Variants in MINDY3 observed in about 807,000 individuals in gnomAD.
MINDY3 encodes the protein MINDY lysine 48 deubiquitinase 3.
In MINDY3, 38 loss-of-function variants were observed where a neutral mutation model predicts 69.2. That is an observed-to-expected ratio of 0.55 (90% CI 0.42 to 0.72). The LOEUF (loss-of-function observed/expected upper bound fraction) is 0.72. MINDY3 is among the 30% of genes least tolerant of loss of function. The probability of loss-of-function intolerance (pLI) is 0.00; values close to 1 mark genes in which losing one functional copy is unlikely to be tolerated. For missense variants in MINDY3, 522 were observed against 519.0 expected, an observed-to-expected ratio of 1.01 and a Z score of -0.06; for synonymous variants, 192 against 180.1, an observed-to-expected ratio of 1.07 and a Z score of -0.53.
chr10:15,834,399 T>C (rs958708871), intron 7 of MINDY3, 144 bp downstream of exon 7: 4 of 490,672 alleles, frequency 8.2e-6, no homozygotes, highest in Non-Finnish European at 1.4e-5. Context: ...CAATGCATAA[T>C]ACAAAGAAGT....
chr10:15,799,115 G>C (rs1360153164), intron 10 of MINDY3, among the ~76,000 whole-genome samples: 6 of 152,048 alleles, frequency 3.9e-5, no homozygotes, highest in Non-Finnish European at 1.5e-5. Context: ...TACTGAAGCA[G>C]GTGGTGACTT....
chr10:15,846,929 T>C (rs1833890605), intron 2 of MINDY3, among the ~76,000 whole-genome samples: 1 of 152,120 alleles, frequency 6.6e-6, no homozygotes, highest in Non-Finnish European at 1.5e-5. Flanking sequence ...TTCACCATGT[T>C]AGCCAGGATG....
chr10:15,781,501 G>A (rs895842875), intron 14 of MINDY3, among the ~76,000 whole-genome samples: 2 of 151,686 alleles, frequency 1.3e-5, no homozygotes, highest in South Asian at 2.1e-4. Flanking sequence ...CAATGCAGCC[G>A]AACTCTAGCT....
chr10:15,837,342 A>T, intron 5 of MINDY3, 24 bp from the exon 6 acceptor site: 1 of 1,511,876 alleles, frequency 6.6e-7, no homozygotes, highest in South Asian at 1.2e-5. Flanking sequence ...AGAATTAAGT[A>T]TTGGTATCAT....
intron 6 of MINDY3, among the ~76,000 whole-genome samples, chr10:15,835,108 CTT>C (rs1231148987): frequency 2.0e-5 from 3 of 151,986 alleles, no homozygotes. Context: ...TCTGATTGTA[CTT>C]TCTCACAAAT....
chr10:15,837,979 TA>T, intron 5 of MINDY3: 4 of 970,144 alleles, frequency 4.1e-6, no homozygotes, highest in Non-Finnish European at 4.9e-6. Context: ...TTTTTCATTG[TA>T]ATGATGAAAA....
intron 10 of MINDY3, among the ~76,000 whole-genome samples, chr10:15,807,109 G>A (rs1809738829): frequency 6.6e-6 from 1 of 152,112 alleles, no homozygotes; most frequent in Non-Finnish European, 1.5e-5. Flanking sequence ...TCACAGGGTT[G>A]GTTTGAGGAT....
At chr10:15,854,665 A>G (rs1387550241) in intron 1 of MINDY3, among the ~76,000 whole-genome samples, 1 of 152,088 alleles carries the variant, frequency 6.6e-6, no homozygotes, top group Non-Finnish European at 1.5e-5. Context: ...GAAAGTGTTA[A>G]TTCCAAAAAA....
At chr10:15,787,102 T>C (rs1406471740) in intron 12 of MINDY3, among the ~76,000 whole-genome samples, 1 of 152,172 alleles carries the variant, frequency 6.6e-6, no homozygotes, top group Non-Finnish European at 1.5e-5. Context: ...CTTAAAAAGC[T>C]TACTTTTAAA....
intron 1 of MINDY3, among the ~76,000 whole-genome samples, chr10:15,857,186 G>A (rs969669445): frequency 2.6e-5 from 4 of 151,150 alleles, no homozygotes; most frequent in African/African-American, 9.8e-5. Flanking sequence ...CTTCCTTCTT[G>A]TTCCTTAAAC....
chr10:15,860,260 C>T lies in MINDY3; in HGVS notation c.40G>A (p.Gly14Ser). The change falls in exon 1 of 15, where the codon GGC becomes AGC. Residue 14 changes from glycine to serine, a missense_variant. Transcript: ENST00000277632. Reference sequence around the variant, plus strand: ...GAGAGACCGGGGCTGCTCTTGGTGCCCCACACCAGCTCCATCAGCTCTTTA... The same window carrying T: ...GAGAGACCGGGGCTGCTCTTGGTGCTCCACACCAGCTCCATCAGCTCTTTA... ...LTKELMELVWGTKSSPGLSDT... is the reference protein window; with the variant it reads ...LTKELMELVWSTKSSPGLSDT... The T allele has an allele frequency of 6.2e-7, 1 of 1,610,740 alleles. No homozygotes were observed. Among genetic ancestry groups the T allele is most frequent in the Non-Finnish European group, 8.5e-7 (1 of 1,178,652 alleles).
chr10:15,854,525 C>T (rs1834554223), intron 1 of MINDY3, among the ~76,000 whole-genome samples: 1 of 152,044 alleles, frequency 6.6e-6, no homozygotes, highest in Non-Finnish European at 1.5e-5. Flanking sequence ...GTTCCAAAAA[C>T]TTGAGAGCCA....
At position 15,838,215 on chromosome 10, in the gene MINDY3, C is replaced by T. The variant is rs1833220888; in HGVS notation, c.461+13G>A. 2 of 1,599,230 alleles carry T rather than the reference C, an allele frequency of 1.3e-6. No homozygotes were observed. The highest frequency in any genetic ancestry group is 2.3e-5 in the East Asian group (1 of 44,170). ...CACAGAGTAAGTATTTTAAATGTTCCAATGTTACTTACTGAATTAATGCAT... is the reference window on the plus strand; with the variant it reads ...CACAGAGTAAGTATTTTAAATGTTCTAATGTTACTTACTGAATTAATGCAT... On this transcript the variant is annotated intron_variant, in intron 5 of 14. Coordinates refer to ENST00000277632, the MANE Select transcript of MINDY3 (RefSeq NM_024948.4).
chr10:15,782,123 T>C (rs764556987), intron 14 of MINDY3, 32 bp downstream of exon 14: 8 of 1,492,464 alleles, frequency 5.4e-6, no homozygotes, highest in East Asian at 2.3e-5. Context: ...ATCAACCCAG[T>C]TGAACACCGA....
intron 8 of MINDY3, among the ~76,000 whole-genome samples, chr10:15,829,554 G>A (rs1291948217): frequency 6.6e-6 from 1 of 152,204 alleles, no homozygotes; most frequent in East Asian, 1.9e-4. Flanking sequence ...TACGAACACA[G>A]AGGCTCTTGA....
chr10:15,795,753 A>T (rs1405040770), intron 11 of MINDY3, among the ~76,000 whole-genome samples: 2 of 152,072 alleles, frequency 1.3e-5, no homozygotes, highest in African/African-American at 4.8e-5. Context: ...AATATCCTGG[A>T]AGATCTGTTT....
chr10:15,834,724 C>G (rs530054694), intron 6 of MINDY3, 108 bp from the exon 7 acceptor site: 7 of 663,474 alleles, frequency 1.1e-5, no homozygotes, highest in African/African-American at 5.5e-5. Flanking sequence ...ATTTAAGTAA[C>G]TTTTCTACCA....
At chr10:15,793,001 C>G (rs1033792117) in intron 11 of MINDY3, among the ~76,000 whole-genome samples, 5 of 152,060 alleles carry the variant, frequency 3.3e-5, no homozygotes, top group African/African-American at 1.2e-4. Flanking sequence ...GGAACTCGTC[C>G]AACATCACAC....
At chr10:15,802,088 A>T (rs1838304632) in intron 10 of MINDY3, among the ~76,000 whole-genome samples, 1 of 151,772 alleles carries the variant, frequency 6.6e-6, no homozygotes, top group African/African-American at 2.4e-5. Flanking sequence ...AATATGTGTT[A>T]ATCTACTGTT....
Sources: allele counts gnomAD v4.1 joint callset (sites outside exome capture counted in the v4.1 genomes callset), GRCh38; gene constraint gnomAD v4.1.1; transcripts MANE v1.5; gene names NCBI Gene and HGNC (gene_info 2026-07-23, HGNC 2026-07-21).